Variants in VAT1L observed in about 807,000 individuals in gnomAD.
VAT1L encodes putative NADPH-dependent quinone oxidoreductase VAT1L.
In VAT1L, 34 loss-of-function variants were observed where a neutral mutation model predicts 44.1. That is an observed-to-expected ratio of 0.77 (90% CI 0.59 to 1.03). The LOEUF (loss-of-function observed/expected upper bound fraction) is 1.03. VAT1L is among the 50% of genes least tolerant of loss of function. VAT1L has a pLI of 0.00. For missense variants in VAT1L, 615 were observed against 538.8 expected, an observed-to-expected ratio of 1.14 and a Z score of -1.40; for synonymous variants, 253 against 202.2, an observed-to-expected ratio of 1.25 and a Z score of -2.13.
At chr16:77,835,462 A>C (rs1385422025) in intron 3 of VAT1L, among the ~76,000 whole-genome samples, 1 of 152,134 alleles carries the variant, frequency 6.6e-6, no homozygotes, top group Non-Finnish European at 1.5e-5. Context: ...AGCTGTGCTG[A>C]GTCCACTTCC....
chr16:77,943,560 C>A (rs540638485), intron 7 of VAT1L, among the ~76,000 whole-genome samples: 3 of 151,632 alleles, frequency 2.0e-5, no homozygotes, highest in African/African-American at 7.3e-5. Flanking sequence ...CCACCACACC[C>A]GGCTAATTTA....
At chr16:77,916,901 G>A (rs879886879) in intron 7 of VAT1L, among the ~76,000 whole-genome samples, 2 of 150,794 alleles carry the variant, frequency 1.3e-5, no homozygotes, top group African/African-American at 4.9e-5. Flanking sequence ...AGTAGCGATT[G>A]CACTCATGGT....
intron 3 of VAT1L, among the ~76,000 whole-genome samples, chr16:77,859,613 G>T (rs1349130907): frequency 6.6e-6 from 1 of 152,216 alleles, no homozygotes; most frequent in African/African-American, 2.4e-5. Flanking sequence ...AGGACTTTTG[G>T]AAACAGCCAG....
rs2017183943 is a variant in VAT1L at position 77,884,184 on chromosome 16, C to T, written c.883-424C>T. ...ATAGATGCTTTTAAAAAAAATACAC[C>T]ACTGTCCAAGGCGGGTGGATCACGA... On this transcript the variant is annotated intron_variant, in intron 6 of 8. Transcript: ENST00000302536. This position sits in a 1 kb window ranked among gnomAD's most constrained non-coding sequence, Gnocchi z 4.5. Among the ~76,000 whole-genome samples, 1 of 151,984 alleles carries T rather than the reference C, an allele frequency of 6.6e-6. No individual in the cohort carries two copies. The highest frequency in any genetic ancestry group is 2.1e-4 in the South Asian group (1 of 4,812).
chr16:77,970,907 T>C (rs1049252422), intron 7 of VAT1L, among the ~76,000 whole-genome samples: 1 of 152,246 alleles, frequency 6.6e-6, no homozygotes, highest in African/African-American at 2.4e-5. Context: ...AACCATAGCA[T>C]CTAGGCTAGA....
At chr16:77,914,368 C>T (rs1303116785) in intron 7 of VAT1L, among the ~76,000 whole-genome samples, 3 of 152,148 alleles carry the variant, frequency 2.0e-5, no homozygotes, top group East Asian at 3.8e-4. Context: ...AATAGCATTA[C>T]CATGCATTGT....
chr16:77,867,789 G>A (rs979722252), intron 4 of VAT1L, among the ~76,000 whole-genome samples: 11 of 151,666 alleles, frequency 7.3e-5, no homozygotes, highest in Non-Finnish European at 1.3e-4. Flanking sequence ...AACCCAGGAG[G>A]TGGAGGTTGC....
chr16:77,923,956 C>T (rs535687735), intron 7 of VAT1L, among the ~76,000 whole-genome samples: 3 of 152,112 alleles, frequency 2.0e-5, no homozygotes, highest in East Asian at 1.9e-4. Context: ...CCTTCCCCCC[C>T]TCCCTTCCCC....
intron 3 of VAT1L, 149 bp downstream of exon 3, chr16:77,825,610 T>A: frequency 1.1e-6 from 1 of 939,940 alleles, no homozygotes; most frequent in Non-Finnish European, 1.6e-6. Context: ...AAAGCCCATA[T>A]AGATGATTGC....
chr16:77,837,903 T>C (rs1262884312), intron 3 of VAT1L, among the ~76,000 whole-genome samples: 5 of 152,172 alleles, frequency 3.3e-5, no homozygotes, highest in Non-Finnish European at 5.9e-5. Context: ...TATCACTGTC[T>C]CATTAGACAA....
At position 77,816,945 on chromosome 16, in the gene VAT1L, G is replaced by A; in HGVS notation, c.258G>A (p.Met86Ile). 1.9e-6 allele frequency: 3 copies of A among 1,613,766 alleles called. No individual in the cohort carries two copies. Among genetic ancestry groups the A allele is most frequent in the African/African-American group, 1.3e-5 (1 of 74,996 alleles). The change falls in exon 2 of 9, where the codon ATG becomes ATA. Residue 86 changes from methionine to isoleucine, a missense_variant. Coordinates refer to ENST00000302536, the MANE Select transcript of VAT1L (RefSeq NM_020927.3). ...KACGLNFIDL[M>I]VRQGNIDNPP... ...GTGGATTAAACTTCATTGACTTGAT[G>A]GTGCGACAAGGGAATATTGACAACC... is the stretch of plus-strand genomic sequence containing the variant.
intron 3 of VAT1L, among the ~76,000 whole-genome samples, chr16:77,862,451 C>T (rs897123718): frequency 4.6e-5 from 7 of 151,726 alleles, no homozygotes; most frequent in Non-Finnish European, 1.0e-4. Context: ...CCCATCTCTA[C>T]GAAAAATACA....
chr16:77,788,946 T>C (rs2015781431), intron 1 of VAT1L, 31 bp downstream of exon 1: 1 of 1,442,152 alleles, frequency 6.9e-7, no homozygotes, highest in Non-Finnish European at 9.1e-7. Flanking sequence ...TCGCTTTCTC[T>C]CTTTTTGCGC....
intron 7 of VAT1L, among the ~76,000 whole-genome samples, chr16:77,937,833 G>A (rs2017821998): frequency 6.6e-6 from 1 of 152,230 alleles, no homozygotes; most frequent in African/African-American, 2.4e-5. Context: ...TAAACTCACA[G>A]TGAAGCCCAC....
intron 3 of VAT1L, among the ~76,000 whole-genome samples, chr16:77,862,530 C>T (rs2016925396): frequency 1.3e-5 from 2 of 149,898 alleles, no homozygotes; most frequent in Non-Finnish European, 3.0e-5. Flanking sequence ...GCAGGAGAAT[C>T]GCTAGAACAC....
intron 7 of VAT1L, among the ~76,000 whole-genome samples, chr16:77,937,184 C>A (rs1467901145): frequency 6.6e-6 from 1 of 152,156 alleles, no homozygotes; most frequent in Non-Finnish European, 1.5e-5. Context: ...TCCTGCCCAA[C>A]CTGAGGGTTT....
rs1353265783 is a variant in VAT1L, at chr16:77,979,330, G to C, written c.*1635G>C. Reference sequence around the variant, plus strand: ...CAAGGGGTGAGAGTATCCCAAAGGAGGACACCAGCATCATCTTTTCTTCGT... The same window carrying C: ...CAAGGGGTGAGAGTATCCCAAAGGACGACACCAGCATCATCTTTTCTTCGT... On this transcript the variant is annotated 3_prime_UTR_variant, in exon 9 of 9. Coordinates refer to ENST00000302536, the MANE Select transcript of VAT1L (RefSeq NM_020927.3). 6.6e-6 allele frequency: 1 copy of C among 152,232 alleles called. No homozygotes were observed. Among genetic ancestry groups the C allele is most frequent in the Non-Finnish European group, 1.5e-5 (1 of 68,032 alleles). 9.4% of individuals were successfully genotyped at this position (152,232 alleles called of 1,614,324 possible).
intron 7 of VAT1L, among the ~76,000 whole-genome samples, chr16:77,952,029 C>CATCT (rs2018050556): frequency 6.6e-6 from 1 of 152,042 alleles, no homozygotes; most frequent in African/African-American, 2.4e-5. Flanking sequence ...GCCATCAAGC[C>CATCT]ATCTGTGTTT....
intron 1 of VAT1L, among the ~76,000 whole-genome samples, chr16:77,794,113 G>C (rs978653782): frequency 1.1e-4 from 16 of 152,062 alleles, no homozygotes; most frequent in Admixed American, 5.9e-4. Flanking sequence ...CAGACACAGT[G>C]ACAAAGACAT....
Sources: allele counts gnomAD v4.1 joint callset (sites outside exome capture counted in the v4.1 genomes callset), GRCh38; gene constraint gnomAD v4.1.1; non-coding constraint Gnocchi (gnomAD v3.1); transcripts MANE v1.5; gene names NCBI Gene and HGNC (gene_info 2026-07-23, HGNC 2026-07-21).